WFDC2: variants seen among roughly 807,000 people sequenced by gnomAD.
The protein encoded by WFDC2 is WAP four-disulfide core domain 2, also known as WAP four-disulfide core domain protein 2.
WFDC2 carries 8 observed loss-of-function variants against 12.5 expected under a neutral mutation model. The ratio of observed to expected loss-of-function variants is 0.64; its 90% CI spans 0.37 to 1.15. WFDC2 has a LOEUF of 1.15. WFDC2 is among the 50% of genes most tolerant of loss of function. The pLI is 0.01. For synonymous variants in WFDC2, 74 were observed against 67.2 expected, an observed-to-expected ratio of 1.10 and a Z score of -0.49; for missense variants, 166 against 159.9, an observed-to-expected ratio of 1.04 and a Z score of -0.21.
At chr20:45,479,851 G>A in intron 2 of WFDC2, 91 bp from the exon 3 acceptor site, 2 of 1,614,022 alleles carry the variant, frequency 1.2e-6, no homozygotes, top group Non-Finnish European at 1.7e-6. Context: ...GTGAAGCCCA[G>A]TGAGGGGCAG....
chr20:45,474,971 T>C (rs2145503830), intron 2 of WFDC2, among the ~76,000 whole-genome samples: 1 of 152,276 alleles, frequency 6.6e-6, no homozygotes, highest in African/African-American at 2.4e-5. Flanking sequence ...TGCGTAGAGG[T>C]GTTTATAGTA....
Position 45,470,650 on chromosome 20 carries a change from C to T in WFDC2, c.223+118C>T. The T allele has an allele frequency of 7.2e-7, 1 of 1,379,796 alleles. No individual in the cohort carries two copies. Among genetic ancestry groups the T allele is most frequent in the Non-Finnish European group, 9.6e-7 (1 of 1,043,450 alleles). 85.5% of individuals were successfully genotyped at this position (1,379,796 alleles called of 1,614,324 possible). On this transcript the variant is annotated intron_variant, in intron 2 of 3. Transcript: ENST00000372676. This position sits in a 1 kb window ranked among gnomAD's most constrained non-coding sequence, Gnocchi z 5.4. ...CGGACCCGGGGACCCCCGGGAAAGT[C>T]AAGGCGGTTGAAACCAGATCCGTCA... is the stretch of plus-strand genomic sequence containing the variant.
intron 2 of WFDC2, among the ~76,000 whole-genome samples, chr20:45,474,796 T>C (rs2145503744): frequency 6.6e-6 from 1 of 152,362 alleles, no homozygotes; most frequent in East Asian, 1.9e-4. Flanking sequence ...CGGCTGTGAA[T>C]CTGTCTGGTC....
At chr20:45,476,697 C>T (rs931862013) in intron 2 of WFDC2, among the ~76,000 whole-genome samples, 1 of 152,082 alleles carries the variant, frequency 6.6e-6, no homozygotes, top group African/African-American at 2.4e-5. Flanking sequence ...CTCTGTATTT[C>T]CTGAATTTGA....
intron 2 of WFDC2, 21 bp from the exon 3 acceptor site, chr20:45,479,921 C>T (rs754346819): frequency 1.5e-5 from 24 of 1,614,128 alleles, no homozygotes; most frequent in Non-Finnish European, 1.9e-5. Flanking sequence ...CCCACTTACC[C>T]TTACTCCTTT....
intron 2 of WFDC2, chr20:45,471,186 A>C (rs1568969457): frequency 6.4e-6 from 3 of 471,182 alleles, no homozygotes; most frequent in Non-Finnish European, 1.3e-5. Flanking sequence ...GAAAGTGAGG[A>C]ATCCTCCCTG....
At chr20:45,480,220 G>C in intron 3 of WFDC2, 126 bp downstream of exon 3, 2 of 1,364,880 alleles carry the variant, frequency 1.5e-6, no homozygotes, top group Non-Finnish European at 2.0e-6. Flanking sequence ...ATACCAGTGG[G>C]GTGACCCTCA....
chr20:45,470,638 C>A lies in WFDC2; in HGVS notation c.223+106C>A. 7.0e-7 allele frequency: 1 copy of A among 1,423,250 alleles called. No individual in the cohort carries two copies. The allele number at this position is 1,423,250 out of a possible 1,614,324, so 88.2% of individuals were successfully genotyped here. The stretch of plus-strand genomic sequence containing the variant: ...CAGGGGCGCCCCCGGACCCGGGGAC[C>A]CCCGGGAAAGTCAAGGCGGTTGAAA... On this transcript the variant is annotated intron_variant, in intron 2 of 3. Coordinates refer to ENST00000372676, the MANE Select transcript of WFDC2 (RefSeq NM_006103.4). This position sits in a 1 kb window ranked among gnomAD's most constrained non-coding sequence, Gnocchi z 5.4.
rs1991161160 is a variant in WFDC2 at position 45,470,774 on chromosome 20, A to C, written c.223+242A>C. On this transcript the variant is annotated intron_variant, in intron 2 of 3. Transcript: ENST00000372676. This position sits in a 1 kb window ranked among gnomAD's most constrained non-coding sequence, Gnocchi z 5.4. ...TAGCTGGGATTCGAGTCTCTGGTGC[A>C]TGACGGGCTTCCGGGCACGCACAGC... is the stretch of plus-strand genomic sequence containing the variant. Among the ~76,000 whole-genome samples, 1 of 152,172 alleles carries C rather than the reference A, an allele frequency of 6.6e-6. No homozygotes were observed. Among genetic ancestry groups the C allele is most frequent in the Non-Finnish European group, 1.5e-5 (1 of 68,014 alleles).
At chr20:45,474,749 G>T (rs547227125) in intron 2 of WFDC2, among the ~76,000 whole-genome samples, 68 of 152,168 alleles carry the variant, frequency 4.5e-4, no homozygotes, top group Non-Finnish European at 7.5e-4. Flanking sequence ...CAGAAGGAAT[G>T]GTACCAGCAA....
In WFDC2 at chr20:45,470,657, G is replaced by A; in HGVS notation, c.223+125G>A. 1 of 1,319,190 alleles carries A rather than the reference G, an allele frequency of 7.6e-7. No individual in the cohort carries two copies. The highest frequency in any genetic ancestry group is 2.7e-5 in the Admixed American group (1 of 36,430). 81.7% of individuals were successfully genotyped at this position (1,319,190 alleles called of 1,614,324 possible). A position where few individuals can be genotyped will look rare whatever the true frequency, so the allele number is the denominator to read the frequency against. ...GGGGACCCCCGGGAAAGTCAAGGCG[G>A]TTGAAACCAGATCCGTCAGTCCTCT... On this transcript the variant is annotated intron_variant, in intron 2 of 3. Coordinates refer to ENST00000372676, the MANE Select transcript of WFDC2 (RefSeq NM_006103.4). This position sits in a 1 kb window ranked among gnomAD's most constrained non-coding sequence, Gnocchi z 5.4.
At chr20:45,480,314 G>A (rs1453147683) in intron 3 of WFDC2, among the ~76,000 whole-genome samples, 2 of 152,026 alleles carry the variant, frequency 1.3e-5, no homozygotes, top group African/African-American at 4.8e-5. Context: ...AACAGAATAA[G>A]CAAGAGCTTG....
At chr20:45,472,589 GT>G (rs1991185905) in intron 2 of WFDC2, among the ~76,000 whole-genome samples, 1 of 127,778 alleles carries the variant, frequency 7.8e-6, no homozygotes, top group South Asian at 2.8e-4. Context: ...ATGTGTGCAT[GT>G]GTCTTGGGCA....
intron 3 of WFDC2, among the ~76,000 whole-genome samples, chr20:45,480,808 G>A (rs1053476520): frequency 2.0e-5 from 3 of 152,122 alleles, no homozygotes; most frequent in African/African-American, 7.2e-5. Flanking sequence ...AGGGAACTAT[G>A]GTTTCTCTAA....
chr20:45,480,156 C>A (rs76617043), intron 3 of WFDC2, 62 bp downstream of exon 3: 41,972 of 1,599,314 alleles, frequency 0.026, 1,674 homozygotes, highest in East Asian at 0.19. Flanking sequence ...CAGGAGAAAA[C>A]GTCACCCAGG....
At chr20:45,479,787 C>A in intron 2 of WFDC2, 155 bp from the exon 3 acceptor site, 1 of 1,613,710 alleles carries the variant, frequency 6.2e-7, no homozygotes, top group South Asian at 1.1e-5. Context: ...TCCTGGGCCT[C>A]CTGAGAGCAG....
intron 2 of WFDC2, among the ~76,000 whole-genome samples, chr20:45,477,849 A>T (rs1991252352): frequency 6.6e-6 from 1 of 152,138 alleles, no homozygotes; most frequent in Non-Finnish European, 1.5e-5. Flanking sequence ...TTTTTCAGAG[A>T]TGCCCTGCCC....
intron 3 of WFDC2, 67 bp downstream of exon 3, chr20:45,480,161 C>T: frequency 6.3e-7 from 1 of 1,595,240 alleles, no homozygotes; most frequent in Non-Finnish European, 8.6e-7. Context: ...GAAAACGTCA[C>T]CCAGGCGGAG....
rs111570760 is a variant in WFDC2 at position 45,475,113 on chromosome 20, T to A, written c.223+4581T>A. On this transcript the variant is annotated intron_variant, in intron 2 of 3. Coordinates refer to ENST00000372676, the MANE Select transcript of WFDC2 (RefSeq NM_006103.4). Reference sequence around the variant, plus strand: ...AGCAGTCAGACTATTTTGTTGATGTTTTTCAAAAACCCAGCTTGTGAATTC... The same window carrying A: ...AGCAGTCAGACTATTTTGTTGATGTATTTCAAAAACCCAGCTTGTGAATTC... Among the ~76,000 whole-genome samples the A allele has an allele frequency of 4.1e-3, 627 of 152,282 alleles. 5 individuals carry two copies. Among genetic ancestry groups the A allele is most frequent in the African/African-American group, 0.014 (594 of 41,566 alleles).
Sources: allele counts gnomAD v4.1 joint callset (sites outside exome capture counted in the v4.1 genomes callset), GRCh38; gene constraint gnomAD v4.1.1; non-coding constraint Gnocchi (gnomAD v3.1); transcripts MANE v1.5; gene names NCBI Gene and HGNC (gene_info 2026-07-23, HGNC 2026-07-21).